NCAN: variants seen among roughly 807,000 people sequenced by gnomAD.
NCAN encodes neurocan.
A neutral mutation model predicts 121.8 loss-of-function variants in NCAN; 47 were observed. That is an observed-to-expected ratio of 0.39 (90% CI 0.31 to 0.49). NCAN has a LOEUF of 0.49. Ranked by LOEUF, NCAN falls within the 20% of genes least tolerant of loss-of-function variation. The pLI, the probability that NCAN is intolerant of heterozygous loss-of-function variation, is 0.92. For missense variants in NCAN, 1,517 were observed against 1,773.4 expected (o/e 0.86, Z 2.60); for synonymous variants, 633 against 702.0 (o/e 0.90, Z 1.55).
intron 10 of NCAN, among the ~76,000 whole-genome samples, chr19:19,235,731 C>T (rs981033634): frequency 3.0e-4 from 46 of 152,042 alleles, no homozygotes; most frequent in African/African-American, 1.1e-3. Context: ...CACACGCCAC[C>T]ACGCCTAGCT....
intron 14 of NCAN, among the ~76,000 whole-genome samples, chr19:19,249,487 C>T (rs557501722): frequency 1.4e-4 from 22 of 152,288 alleles, no homozygotes; most frequent in African/African-American, 4.8e-4. Context: ...CCAAACTCAG[C>T]CTCCCAAATA....
chr19:19,216,828 G>A (rs2060797851), intron 1 of NCAN, 119 bp from the exon 2 acceptor site: 2 of 523,762 alleles, frequency 3.8e-6, no homozygotes, highest in Non-Finnish European at 6.4e-6. Flanking sequence ...ATAACACACT[G>A]GTCTCTCTGA....
At chr19:19,236,079 G>T (rs2060880116) in intron 10 of NCAN, among the ~76,000 whole-genome samples, 1 of 152,140 alleles carries the variant, frequency 6.6e-6, no homozygotes, top group African/African-American at 2.4e-5. Context: ...GTGGCATTCT[G>T]TACAATCACA....
At chr19:19,228,865 G>A (rs1370783465) in intron 8 of NCAN, among the ~76,000 whole-genome samples, 1 of 152,188 alleles carries the variant, frequency 6.6e-6, no homozygotes, top group Non-Finnish European at 1.5e-5. Context: ...ATGAAGTAGC[G>A]CTTGATCAAT....
At chr19:19,224,543 T>C in intron 5 of NCAN, 110 bp downstream of exon 5, 1 of 1,383,532 alleles carries the variant, frequency 7.2e-7, no homozygotes, top group Non-Finnish European at 9.7e-7. Flanking sequence ...GTCTTATACC[T>C]CCCTAAACCT....
chr19:19,232,514 G>A (rs2060864090), intron 8 of NCAN, among the ~76,000 whole-genome samples: 1 of 152,236 alleles, frequency 6.6e-6, no homozygotes, highest in African/African-American at 2.4e-5. Flanking sequence ...CCCAGGGACA[G>A]GCCTCAGCTA....
Position 19,227,969 on chromosome 19 carries a change from C to T in NCAN, c.2349C>T (p.Pro783=). 2 of 1,613,422 alleles carry T rather than the reference C, an allele frequency of 1.2e-6. No homozygotes were observed. The highest frequency in any genetic ancestry group is 3.3e-5 in the Admixed American group (2 of 60,016). ...ATVDEVQDPW[P]SVYSKGLDAS... ...TAGATGAGGTGCAGGACCCCTGGCC[C>T]TCAGTGTACAGCAAAGGGCTGGATG... is the stretch of plus-strand genomic sequence containing the variant. Residue 783 remains proline (P), a synonymous_variant, in exon 8 of 15, where the codon CCC becomes CCT. Coordinates refer to ENST00000252575, the MANE Select transcript of NCAN (RefSeq NM_004386.3). This position sits in a 1 kb window ranked among gnomAD's most constrained non-coding sequence, Gnocchi z 4.2.
At chr19:19,222,729 T>G (rs2060821195) in intron 3 of NCAN, among the ~76,000 whole-genome samples, 1 of 152,212 alleles carries the variant, frequency 6.6e-6, no homozygotes, top group Non-Finnish European at 1.5e-5. Context: ...TGAATCACAG[T>G]GAGCCTGTTA....
rs746957992 is a variant in NCAN at position 19,250,356 on chromosome 19, T to A, written c.*445T>A. ...TCCAGGAAGAAGCCTGGACGTAGGG[T>A]CATTAGCTTTGGGAATAGAAGGCTA... On this transcript the variant is annotated 3_prime_UTR_variant, in exon 15 of 15. Transcript: ENST00000252575. 1.0e-4 allele frequency: 37 copies of A among 359,842 alleles called. No homozygotes were observed. Among genetic ancestry groups the A allele is most frequent in the Non-Finnish European group, 1.8e-4 (34 of 184,134 alleles). 22.3% of individuals were successfully genotyped at this position (359,842 alleles called of 1,614,324 possible).
At chr19:19,245,199 C>G in intron 12 of NCAN, 114 bp from the exon 13 acceptor site, 1 of 1,328,846 alleles carries the variant, frequency 7.5e-7, no homozygotes. Flanking sequence ...GATGGGAACA[C>G]TGAATCCCTG....
chr19:19,226,888 A>G lies in NCAN; in HGVS notation c.1475A>G (p.Gln492Arg), dbSNP rs756943430. The change falls in exon 7 of 15, where the codon CAG (glutamine) becomes CGG (arginine). Residue 492 changes from glutamine to arginine, a missense_variant. Gln to Arg is a conservative substitution (Grantham distance 43, BLOSUM62 1). Transcript: ENST00000252575. ...RFKGLNGRYF[Q>R]QQEPEPGLQG... ...AAAGGGTTGAATGGGCGCTACTTCC[A>G]GCAGCAGGAACCGGAGCCGGGGCTG... 5.6e-6 allele frequency: 9 copies of G among 1,610,476 alleles called. No individual in the cohort carries two copies. The highest frequency in any genetic ancestry group is 6.8e-6 in the Non-Finnish European group (8 of 1,178,244).
rs1045618873 is a variant in NCAN at position 19,219,135 on chromosome 19, C to A, written c.294C>A (p.Asp98Glu). The change falls in exon 3 of 15, where the codon GAC becomes GAA. Residue 98 changes from aspartate to glutamate, a missense_variant. Transcript: ENST00000252575. ...ACTTGCCCATCCTGGTGGCCAAGGA[C>A]AATGTCGTGAGGGTGGCCAAAAGCT... ...RQDLPILVAK[D>E]NVVRVAKSWQ... 3 of 1,613,696 alleles carry A rather than the reference C, an allele frequency of 1.9e-6. No homozygotes were observed. The African/African-American group carries it at 4.0e-5, about 22-fold the overall frequency.
At chr19:19,213,040 C>T (rs749119020) in intron 1 of NCAN, among the ~76,000 whole-genome samples, 9 of 152,138 alleles carry the variant, frequency 5.9e-5, no homozygotes, top group African/African-American at 2.2e-4. Flanking sequence ...AGACCCCCAT[C>T]CCTACGCGTG....
At chr19:19,216,250 G>A (rs1415101109) in intron 1 of NCAN, among the ~76,000 whole-genome samples, 1 of 152,098 alleles carries the variant, frequency 6.6e-6, no homozygotes, top group Non-Finnish European at 1.5e-5. Context: ...CTGGGCTCAA[G>A]CAATCCTCCC....
chr19:19,238,389 G>C lies in NCAN; in HGVS notation c.3387G>C (p.Pro1129=). 6 of 1,614,170 alleles carry C rather than the reference G, an allele frequency of 3.7e-6. No homozygotes were observed. Among genetic ancestry groups the C allele is most frequent in the African/African-American group, 1.3e-5 (1 of 75,044 alleles). ...RSGHLTSVHS[P]EEHSFINSFG... is the part of the protein sequence containing the mutation. ...GCCACCTGACCAGCGTCCACTCACC[G>C]GAGGAACACAGCTTCATTAATAGTA... The change falls in exon 11 of 15, where the codon CCG becomes CCC. Residue 1129 remains proline (P), a synonymous_variant. Coordinates refer to ENST00000252575, the MANE Select transcript of NCAN (RefSeq NM_004386.3).
intron 8 of NCAN, among the ~76,000 whole-genome samples, chr19:19,233,164 C>T (rs540710472): frequency 6.6e-6 from 1 of 152,104 alleles, no homozygotes; most frequent in Non-Finnish European, 1.5e-5. Context: ...GAACTCCTGA[C>T]CTCAGGTGAT....
intron 11 of NCAN, 118 bp from the exon 12 acceptor site, chr19:19,240,485 G>T: frequency 1.1e-6 from 1 of 911,720 alleles, no homozygotes; most frequent in Non-Finnish European, 1.8e-6. Flanking sequence ...CCACCTCCAG[G>T]CTGGGGAAGG....
At position 19,212,226 on chromosome 19, in the gene NCAN, G is replaced by A. The variant is rs2146532398; in HGVS notation, c.-8+162G>A. Among the ~76,000 whole-genome samples the A allele has an allele frequency of 6.6e-6, 1 of 151,836 alleles. No individual in the cohort carries two copies. Among genetic ancestry groups the A allele is most frequent in the South Asian group, 2.1e-4 (1 of 4,802 alleles). On this transcript the variant is annotated intron_variant, in intron 1 of 14. Coordinates refer to ENST00000252575, the MANE Select transcript of NCAN (RefSeq NM_004386.3). This position sits in a 1 kb window ranked among gnomAD's most constrained non-coding sequence, Gnocchi z 4.5. ...CTAGGTTGAGGAGGGAGCGCGAACT[G>A]GGAGGGGGCTTGGGAATGCTAGGTG...
Position 19,227,601 on chromosome 19 carries a change from G to A in NCAN, c.1981G>A (p.Gly661Ser), listed in dbSNP as rs2060842478. 6.2e-7 allele frequency: 1 copy of A among 1,613,842 alleles called. No individual in the cohort carries two copies. The highest frequency in any genetic ancestry group is 1.3e-5 in the African/African-American group (1 of 75,018). The stretch of plus-strand genomic sequence containing the variant: ...CGAGGCCAATAGAGTTGAGGCACAT[G>A]GTGAGGCCACCGCCACGGCTCCACC... ...STEANRVEAH[G>S]EATATAPPSP... Residue 661 changes from glycine to serine, a missense_variant, in exon 8 of 15, where the codon GGT becomes AGT. Transcript: ENST00000252575. This position sits in a 1 kb window ranked among gnomAD's most constrained non-coding sequence, Gnocchi z 4.2.
Sources: gnomAD v4.1 joint callset for allele counts (sites outside exome capture counted in the v4.1 genomes callset) on GRCh38, gnomAD v4.1.1 for gene constraint, Gnocchi (gnomAD v3.1) non-coding constraint, MANE v1.5 for transcripts, NCBI Gene and HGNC (gene_info 2026-07-23, HGNC 2026-07-21) for gene names.